The following PID1 variants were observed in gnomAD, a reference collection of about 807,000 sequenced individuals.
PID1 encodes PTB-containing, cubilin and LRP1-interacting protein.
In PID1, 10 loss-of-function variants were observed where a neutral mutation model predicts 19.1. The ratio of observed to expected loss-of-function variants is 0.52; its 90% CI spans 0.32 to 0.89. PID1 has a LOEUF of 0.89. Among genes scored for constraint, PID1 ranks in the 40% least tolerant of loss-of-function variants. The pLI is 0.03. For synonymous variants in PID1, 130 were observed against 116.0 expected, an observed-to-expected ratio of 1.12 and a Z score of -0.78; for missense variants, 248 against 285.3, an observed-to-expected ratio of 0.87 and a Z score of 0.94.
At chr2:229,231,934 A>G (rs1692218237) in intron 1 of PID1, 1 of 1,550,270 alleles carries the variant, frequency 6.5e-7, no homozygotes, top group South Asian at 1.2e-5. Flanking sequence ...ACCGTTCCGG[A>G]GGCTAGGAAG....
chr2:229,200,021 T>G (rs547181447), intron 1 of PID1, among the ~76,000 whole-genome samples: 1 of 151,976 alleles, frequency 6.6e-6, no homozygotes, highest in East Asian at 1.9e-4. Context: ...TTGAAACTCA[T>G]GCCTTCTTCT....
At chr2:229,249,983 T>C (rs551606667) in intron 1 of PID1, among the ~76,000 whole-genome samples, 2 of 152,282 alleles carry the variant, frequency 1.3e-5, no homozygotes, top group East Asian at 3.9e-4. Context: ...AAGAAGATGG[T>C]TTAAGAGCTT....
At chr2:229,093,881 C>G (rs1350658891) in intron 2 of PID1, among the ~76,000 whole-genome samples, 1 of 152,138 alleles carries the variant, frequency 6.6e-6, no homozygotes, top group Admixed American at 6.6e-5. Flanking sequence ...AAGCATTCCT[C>G]CTAAGAACTG....
chr2:229,051,081 A>G (rs1693986827), intron 2 of PID1, among the ~76,000 whole-genome samples: 1 of 152,266 alleles, frequency 6.6e-6, no homozygotes, highest in East Asian at 1.9e-4. Flanking sequence ...TGTACTCTCA[A>G]TGATCACCAT....
rs529497162 is a variant in PID1, at chr2:229,235,256, C to G, written c.30+35758G>C. On this transcript the variant is annotated intron_variant, in intron 1 of 2. Transcript: ENST00000392055. ...GAGAAAAGGAAAAGTAAGGCAGATTCAGGAGGAGAAATCAATCAAAACCAC... is the reference window on the plus strand; with the variant it reads ...GAGAAAAGGAAAAGTAAGGCAGATTGAGGAGGAGAAATCAATCAAAACCAC... Among the ~76,000 whole-genome samples, 4 of 152,288 alleles carry G rather than the reference C, an allele frequency of 2.6e-5. No homozygotes were observed. The South Asian group carries it at 8.3e-4, about 32-fold the overall frequency.
chr2:229,240,823 C>T (rs1266525400), intron 1 of PID1, among the ~76,000 whole-genome samples: 1 of 152,012 alleles, frequency 6.6e-6, no homozygotes, highest in Non-Finnish European at 1.5e-5. Flanking sequence ...TTTTTCTTGT[C>T]TCTTTCTGGG....
intron 1 of PID1, among the ~76,000 whole-genome samples, chr2:229,206,074 C>T (rs971626447): frequency 7.9e-5 from 12 of 152,086 alleles, no homozygotes; most frequent in African/African-American, 2.7e-4. Context: ...ATCCTGTGTG[C>T]TTTGGGTGAA....
chr2:229,049,453 G>T (rs2106182398), intron 2 of PID1, among the ~76,000 whole-genome samples: 1 of 152,158 alleles, frequency 6.6e-6, no homozygotes, highest in East Asian at 1.9e-4. Flanking sequence ...AATAATATGG[G>T]GTGGTAATGA....
At chr2:229,116,091 G>T (rs6759093) in intron 2 of PID1, among the ~76,000 whole-genome samples, 20,923 of 152,012 alleles carry the variant, frequency 0.14, 1,803 homozygotes, top group South Asian at 0.26. Context: ...GCTGGGCATG[G>T]TGGTGGGTGC....
intron 2 of PID1, among the ~76,000 whole-genome samples, chr2:229,112,546 C>T (rs888217749): frequency 3.2e-4 from 48 of 152,150 alleles, no homozygotes; most frequent in African/African-American, 9.6e-4. Flanking sequence ...AGTGCAGTGG[C>T]GCAATCTCAG....
At chr2:229,110,608 CAT>C (rs1280171670) in intron 2 of PID1, among the ~76,000 whole-genome samples, 3 of 152,124 alleles carry the variant, frequency 2.0e-5, no homozygotes, top group African/African-American at 7.2e-5. Context: ...AACAGGGAAT[CAT>C]TAACTGTATG....
chr2:229,084,442 T>C (rs1034733442), intron 2 of PID1, among the ~76,000 whole-genome samples: 7 of 152,214 alleles, frequency 4.6e-5, no homozygotes. Flanking sequence ...TTGACAGCTC[T>C]GTTTCGCCTC....
chr2:229,158,956 A>C (rs1690438433), intron 1 of PID1, among the ~76,000 whole-genome samples: 1 of 151,944 alleles, frequency 6.6e-6, no homozygotes, highest in Non-Finnish European at 1.5e-5. Flanking sequence ...CTGTGGGGGA[A>C]GGCAGGGATG....
intron 1 of PID1, among the ~76,000 whole-genome samples, chr2:229,237,028 A>T (rs965821935): frequency 1.1e-4 from 17 of 148,942 alleles, no homozygotes; most frequent in Admixed American, 1.0e-3. Context: ...ACACACACTG[A>T]CTTCTAATAT....
intron 1 of PID1, among the ~76,000 whole-genome samples, chr2:229,232,814 TATATATATA>T (rs1692243448): frequency 6.9e-6 from 1 of 145,478 alleles, no homozygotes. Flanking sequence ...TATATATATA[TATATATATA>T]TTTACATGCA....
chr2:229,262,732 C>T, intron 1 of PID1: 1 of 1,551,636 alleles, frequency 6.4e-7, no homozygotes, highest in South Asian at 1.2e-5. Context: ...GGGCCACACA[C>T]CATCCAAAAG....
chr2:229,142,785 T>C (rs968175091), intron 2 of PID1, among the ~76,000 whole-genome samples: 1 of 152,192 alleles, frequency 6.6e-6, no homozygotes, highest in East Asian at 1.9e-4. Flanking sequence ...GAAGTCAGTA[T>C]GGCGATTCCT....
chr2:229,204,644 GCTTTGA>G (rs1194190031), intron 1 of PID1, among the ~76,000 whole-genome samples: 3 of 152,020 alleles, frequency 2.0e-5, no homozygotes, highest in Non-Finnish European at 4.4e-5. Context: ...GGTCACACAG[GCTTTGA>G]TCCTGCTGTA....
intron 1 of PID1, among the ~76,000 whole-genome samples, chr2:229,193,086 T>C (rs185592831): frequency 6.6e-6 from 1 of 152,222 alleles, no homozygotes; most frequent in South Asian, 2.1e-4. Context: ...TTTTACTCTA[T>C]CTTGTGATTT....
Sources: allele counts gnomAD v4.1 joint callset (sites outside exome capture counted in the v4.1 genomes callset), GRCh38; gene constraint gnomAD v4.1.1; transcripts MANE v1.5; gene names NCBI Gene and HGNC (gene_info 2026-07-23, HGNC 2026-07-21).